The following TMEM178A variants were observed in gnomAD, a reference collection of about 807,000 sequenced individuals.
TMEM178A encodes the protein transmembrane protein 178.
In TMEM178A, 12 loss-of-function variants were observed where a neutral mutation model predicts 29.1. The ratio of observed to expected loss-of-function variants is 0.41; its 90% confidence interval spans 0.26 to 0.67. The LOEUF (loss-of-function observed/expected upper bound fraction) is 0.67. TMEM178A is among the 30% of genes least tolerant of loss of function. TMEM178A has a pLI of 0.29. For missense variants in TMEM178A, 366 were observed against 419.1 expected, an observed-to-expected ratio of 0.87 and a Z score of 1.11; for synonymous variants, 210 against 187.2, an observed-to-expected ratio of 1.12 and a Z score of -0.99.
At chr2:39,714,935 T>G (rs1672471395) in intron 3 of TMEM178A, among the ~76,000 whole-genome samples, 1 of 152,232 alleles carries the variant, frequency 6.6e-6, no homozygotes, top group Non-Finnish European at 1.5e-5. Flanking sequence ...GTTTCATGTT[T>G]CATTTTGGAA....
the TMEM178A span, among the ~76,000 whole-genome samples, chr2:39,731,304 A>G: frequency 6.6e-6 from 1 of 152,192 alleles, no homozygotes; most frequent in South Asian, 2.1e-4. Flanking sequence ...TGTTGCTATA[A>G]TAGAATACTT....
chr2:39,681,839 G>A (rs1249777519), intron 1 of TMEM178A, among the ~76,000 whole-genome samples: 1 of 152,204 alleles, frequency 6.6e-6, no homozygotes, highest in Admixed American at 6.5e-5. Flanking sequence ...CTTGTTTCCT[G>A]ACTAAGTGTA....
At chr2:39,689,049 A>G (rs1671201903) in intron 1 of TMEM178A, among the ~76,000 whole-genome samples, 1 of 152,228 alleles carries the variant, frequency 6.6e-6, no homozygotes, top group Non-Finnish European at 1.5e-5. Flanking sequence ...CCACTTTCCT[A>G]TTCACCATAT....
At chr2:39,690,603 T>C (rs111513857) in intron 1 of TMEM178A, among the ~76,000 whole-genome samples, 6 of 152,298 alleles carry the variant, frequency 3.9e-5, no homozygotes, top group African/African-American at 1.4e-4. Flanking sequence ...ATTCTCTCCC[T>C]ATACCAGTCA....
In TMEM178A at chr2:39,701,632, T is replaced by G. The variant is rs151253977; in HGVS notation, c.401-2449T>G. 2.8e-3 allele frequency among the ~76,000 whole-genome samples: 420 copies of G among 152,204 alleles called. 1 individual carries two copies. Among genetic ancestry groups the G allele is most frequent in the African/African-American group, 9.6e-3 (399 of 41,562 alleles). On this transcript the variant is annotated intron_variant, in intron 1 of 3. Transcript: ENST00000281961. ...TGGCAGTTATTTCTTCAAATACTCT[T>G]TTTTGATCCTCCTTCTCTCCTCCTT...
chr2:39,699,715 T>C (rs1467684657), intron 1 of TMEM178A, among the ~76,000 whole-genome samples: 2 of 152,250 alleles, frequency 1.3e-5, no homozygotes, highest in East Asian at 1.9e-4. Flanking sequence ...CCTCAGCTTC[T>C]CAAGGGTTGG....
intron 1 of TMEM178A, among the ~76,000 whole-genome samples, chr2:39,691,852 A>G (rs1055967754): frequency 1.3e-5 from 2 of 151,568 alleles, no homozygotes; most frequent in African/African-American, 2.4e-5. Flanking sequence ...TCATCTGTAG[A>G]TGGACCTTTA....
intron 1 of TMEM178A, among the ~76,000 whole-genome samples, chr2:39,685,484 C>G (rs1185676397): frequency 1.3e-5 from 2 of 152,182 alleles, no homozygotes; most frequent in Non-Finnish European, 2.9e-5. Flanking sequence ...TCTCTAGACT[C>G]TAAGCTCTGT....
chr2:39,694,301 C>T (rs1442130497), intron 1 of TMEM178A, among the ~76,000 whole-genome samples: 1 of 152,066 alleles, frequency 6.6e-6, no homozygotes, highest in East Asian at 1.9e-4. Flanking sequence ...TTGCCAAGGG[C>T]TCACAGATAG....
At chr2:39,681,705 A>G (rs1185429553) in intron 1 of TMEM178A, among the ~76,000 whole-genome samples, 1 of 152,244 alleles carries the variant, frequency 6.6e-6, no homozygotes. Context: ...GAAAACTGAA[A>G]TTACTCTGTA....
downstream of TMEM178A, among the ~76,000 whole-genome samples, chr2:39,721,550 G>A (rs751974906): frequency 4.6e-5 from 7 of 152,212 alleles, no homozygotes; most frequent in Non-Finnish European, 8.8e-5. Context: ...CATGGGTCTA[G>A]AGCAGAAAGA....
the TMEM178A span, among the ~76,000 whole-genome samples, chr2:39,724,748 C>T: frequency 6.6e-6 from 1 of 152,142 alleles, no homozygotes; most frequent in Non-Finnish European, 1.5e-5. Context: ...AGCAGAGGAA[C>T]AGAGACTCAG....
chr2:39,684,979 T>C (rs1671011424), intron 1 of TMEM178A, among the ~76,000 whole-genome samples: 1 of 152,246 alleles, frequency 6.6e-6, no homozygotes, highest in Admixed American at 6.5e-5. Flanking sequence ...GGCAGTTTTG[T>C]ATTGGCCTGT....
At chr2:39,728,192 AT>A in the TMEM178A span, among the ~76,000 whole-genome samples, 1 of 152,194 alleles carries the variant, frequency 6.6e-6, no homozygotes, top group Admixed American at 6.5e-5. Flanking sequence ...GTGTAAAAGC[AT>A]TCCTATTTCT....
At chr2:39,677,283 G>A (rs1670671417) in intron 1 of TMEM178A, among the ~76,000 whole-genome samples, 1 of 152,016 alleles carries the variant, frequency 6.6e-6, no homozygotes, top group South Asian at 2.1e-4. Context: ...TTCAAGCCAG[G>A]CTATGACTTT....
At chr2:39,731,419 C>G in the TMEM178A span, among the ~76,000 whole-genome samples, 1 of 152,136 alleles carries the variant, frequency 6.6e-6, no homozygotes, top group African/African-American at 2.4e-5. Flanking sequence ...CTGGTGAGGG[C>G]CATGGGCTGG....
intron 1 of TMEM178A, among the ~76,000 whole-genome samples, chr2:39,693,513 G>T (rs1422654318): frequency 6.6e-6 from 1 of 152,176 alleles, no homozygotes; most frequent in Non-Finnish European, 1.5e-5. Context: ...GTCAGGTCTT[G>T]CCTGTGTCTG....
At chr2:39,699,217 G>A (rs1186866396) in intron 1 of TMEM178A, among the ~76,000 whole-genome samples, 1 of 151,716 alleles carries the variant, frequency 6.6e-6, no homozygotes, top group Non-Finnish European at 1.5e-5. Context: ...AGTAGAGATG[G>A]GGTTTTCCTC....
At chr2:39,711,177 T>C (rs1011235348) in intron 3 of TMEM178A, among the ~76,000 whole-genome samples, 2 of 152,236 alleles carry the variant, frequency 1.3e-5, no homozygotes, top group African/African-American at 4.8e-5. Flanking sequence ...ATAAGACTCT[T>C]ATCTTCCAGC....
Sources: gnomAD v4.1 joint callset for allele counts (sites outside exome capture counted in the v4.1 genomes callset) on GRCh38, gnomAD v4.1.1 for gene constraint, MANE v1.5 for transcripts, NCBI Gene and HGNC (gene_info 2026-07-23, HGNC 2026-07-21) for gene names.